Variants in RUNDC3B observed in about 807,000 individuals in gnomAD.
The protein encoded by RUNDC3B is RUN domain-containing protein 3B.
Under a neutral mutation model 58.4 loss-of-function variants are expected in RUNDC3B, and 33 were observed. The ratio of observed to expected loss-of-function variants is 0.56; its 90% CI spans 0.43 to 0.75. The LOEUF (loss-of-function observed/expected upper bound fraction) is 0.75, where lower values mean the gene tolerates loss of function less well. Among genes scored for constraint, RUNDC3B ranks in the 30% least tolerant of loss-of-function variants. The pLI, the probability that RUNDC3B is intolerant of heterozygous loss-of-function variation, is 0.00. For missense variants in RUNDC3B, 501 were observed against 535.7 expected (o/e 0.94, Z 0.64); for synonymous variants, 193 against 195.2 (o/e 0.99, Z 0.10).
At chr7:87,768,465 G>T (rs1373290190) in intron 6 of RUNDC3B, among the ~76,000 whole-genome samples, 1 of 152,218 alleles carries the variant, frequency 6.6e-6, no homozygotes, top group Non-Finnish European at 1.5e-5. Context: ...CCCTGAATCT[G>T]CACAACGAGT....
chr7:87,750,362 A>G (rs1271992197), intron 6 of RUNDC3B, among the ~76,000 whole-genome samples: 286 of 151,560 alleles, frequency 1.9e-3, no homozygotes, highest in African/African-American at 6.6e-3. Flanking sequence ...TCTTTATAGC[A>G]GCATGATTTA....
chr7:87,727,866 C>T (rs556340955), intron 4 of RUNDC3B, among the ~76,000 whole-genome samples: 1 of 152,046 alleles, frequency 6.6e-6, no homozygotes, highest in African/African-American at 2.4e-5. Context: ...AAGTACCATA[C>T]GGTAAGCTTC....
intron 7 of RUNDC3B, among the ~76,000 whole-genome samples, chr7:87,774,751 TG>T (rs1259729500): frequency 2.6e-5 from 4 of 152,212 alleles, no homozygotes; most frequent in African/African-American, 9.6e-5. Context: ...AATATAGTCA[TG>T]CACTACATAA....
At chr7:87,693,962 C>T (rs1309557391) in intron 2 of RUNDC3B, 1 of 1,611,528 alleles carries the variant, frequency 6.2e-7, no homozygotes, top group Admixed American at 1.7e-5. Context: ...CTTCAAGGTA[C>T]TCTATGCTGG....
At chr7:87,733,053 G>A (rs1831687705) in intron 4 of RUNDC3B, among the ~76,000 whole-genome samples, 1 of 152,180 alleles carries the variant, frequency 6.6e-6, no homozygotes, top group African/African-American at 2.4e-5. Context: ...AAAGGAGTAT[G>A]CCTTAACCCT....
chr7:87,711,490 A>G (rs1830081321), intron 4 of RUNDC3B, among the ~76,000 whole-genome samples: 1 of 152,056 alleles, frequency 6.6e-6, no homozygotes, highest in Non-Finnish European at 1.5e-5. Flanking sequence ...ATTTTTTATG[A>G]TGGTAGAAAA....
intron 8 of RUNDC3B, among the ~76,000 whole-genome samples, chr7:87,797,151 A>G (rs1835865408): frequency 6.6e-6 from 1 of 152,214 alleles, no homozygotes; most frequent in Non-Finnish European, 1.5e-5. Flanking sequence ...CAGAGTTTAA[A>G]GAATATAAAA....
At chr7:87,733,252 C>T (rs1267332553) in intron 4 of RUNDC3B, among the ~76,000 whole-genome samples, 3 of 152,180 alleles carry the variant, frequency 2.0e-5, no homozygotes, top group South Asian at 4.1e-4. Context: ...GACTGTACGT[C>T]CATTCATAGG....
rs543281081 is a variant in RUNDC3B at position 87,667,612 on chromosome 7, G to T, written c.238+16675G>T. Reference sequence around the variant, plus strand: ...CTTTTGCCCATTCAGCATAAAGTTGGCTGTGGGTTTGTCATAGATGGCTCT... The same window carrying T: ...CTTTTGCCCATTCAGCATAAAGTTGTCTGTGGGTTTGTCATAGATGGCTCT... On this transcript the variant is annotated intron_variant, in intron 2 of 10. Transcript: ENST00000394654. 3.3e-5 allele frequency among the ~76,000 whole-genome samples: 5 copies of T among 152,190 alleles called. No individual in the cohort carries two copies. In the South Asian group the frequency reaches 8.3e-4, roughly 25 times the overall value.
chr7:87,667,407 T>G (rs1195133147), intron 2 of RUNDC3B, among the ~76,000 whole-genome samples: 1 of 152,074 alleles, frequency 6.6e-6, no homozygotes, highest in Non-Finnish European at 1.5e-5. Flanking sequence ...GTTTTTTTTT[T>G]TCTAGATATA....
At position 87,648,708 on chromosome 7, in the gene RUNDC3B, G is replaced by A. The variant is rs28746500; in HGVS notation, c.123-2114G>A. On this transcript the variant is annotated intron_variant, in intron 1 of 10. Coordinates refer to ENST00000394654, the MANE Select transcript of RUNDC3B (RefSeq NM_001134405.2). Reference sequence around the variant, plus strand: ...AATGTTTTAGTATTTTTTATTTCCCGATATAACTGGTTGTAAGAAAGTTTT... The same window carrying A: ...AATGTTTTAGTATTTTTTATTTCCCAATATAACTGGTTGTAAGAAAGTTTT... Among the ~76,000 whole-genome samples, 192 of 151,870 alleles carry A rather than the reference G, an allele frequency of 1.3e-3. 2 individuals are homozygous for A. Among genetic ancestry groups the A allele is most frequent in the South Asian group, 0.011 (52 of 4,798 alleles).
At chr7:87,752,105 A>C (rs1833041453) in intron 6 of RUNDC3B, among the ~76,000 whole-genome samples, 1 of 152,178 alleles carries the variant, frequency 6.6e-6, no homozygotes, top group African/African-American at 2.4e-5. Flanking sequence ...ATTTTGTCAA[A>C]GGCCTTTTCT....
chr7:87,808,172 A>T (rs1208388196), intron 9 of RUNDC3B, among the ~76,000 whole-genome samples: 1 of 151,602 alleles, frequency 6.6e-6, no homozygotes, highest in African/African-American at 2.4e-5. Context: ...TTTCTATCTT[A>T]AGCTAATTTT....
At chr7:87,722,442 T>A (rs772951759) in intron 4 of RUNDC3B, among the ~76,000 whole-genome samples, 9 of 152,188 alleles carry the variant, frequency 5.9e-5, no homozygotes, top group Non-Finnish European at 1.0e-4. Flanking sequence ...AGTGAGATAA[T>A]GAAGTAATTG....
intron 6 of RUNDC3B, among the ~76,000 whole-genome samples, chr7:87,766,727 G>A (rs138995702): frequency 2.6e-4 from 39 of 152,148 alleles, no homozygotes; most frequent in African/African-American, 8.4e-4. Context: ...CCTTGGTGGT[G>A]TTGATTTTGT....
chr7:87,668,233 G>A (rs1319223370), intron 2 of RUNDC3B, among the ~76,000 whole-genome samples: 1 of 151,932 alleles, frequency 6.6e-6, no homozygotes, highest in Non-Finnish European at 1.5e-5. Flanking sequence ...ATACGTCCAG[G>A]AATTTACTCA....
intron 9 of RUNDC3B, among the ~76,000 whole-genome samples, chr7:87,810,948 A>G (rs1836681002): frequency 6.6e-6 from 1 of 152,228 alleles, no homozygotes; most frequent in Non-Finnish European, 1.5e-5. Flanking sequence ...TATTTAAAGC[A>G]TGACAGGCTT....
chr7:87,721,382 C>A (rs1451152668), intron 4 of RUNDC3B, among the ~76,000 whole-genome samples: 2 of 151,902 alleles, frequency 1.3e-5, no homozygotes, highest in African/African-American at 4.8e-5. Flanking sequence ...TGGTATGCTT[C>A]TGATAATTGG....
In RUNDC3B at chr7:87,703,329, G is replaced by A. The variant is rs1035350455; in HGVS notation, c.372+2775G>A. Among the ~76,000 whole-genome samples the A allele has an allele frequency of 2.6e-5, 4 of 151,822 alleles. No homozygotes were observed. In the South Asian group the frequency reaches 6.3e-4, roughly 24 times the overall value. ...TTCAAATTAAATATTTTGTAAGCAC[G>A]AACTGAGTATATGTTTTAAAAACCA... On this transcript the variant is annotated intron_variant, in intron 3 of 10. Coordinates refer to ENST00000394654, the MANE Select transcript of RUNDC3B (RefSeq NM_001134405.2).
Sources: gnomAD v4.1 joint callset for allele counts (sites outside exome capture counted in the v4.1 genomes callset) on GRCh38, gnomAD v4.1.1 for gene constraint, MANE v1.5 for transcripts, NCBI Gene and HGNC (gene_info 2026-07-23, HGNC 2026-07-21) for gene names.